Variants in DAB1 observed in about 807,000 individuals in gnomAD.
The protein encoded by DAB1 is DAB adaptor protein 1, also known as disabled homolog 1.
Under a neutral mutation model 64.6 loss-of-function variants are expected in DAB1, and 15 were observed. The observed-to-expected ratio is 0.23, with a 90% CI of 0.16 to 0.36. DAB1 has a LOEUF of 0.36. Ranked by LOEUF, DAB1 falls within the 10% of genes least tolerant of loss-of-function variation. DAB1 has a pLI of 1.00. For synonymous variants in DAB1, 235 were observed against 251.9 expected, an observed-to-expected ratio of 0.93 and a Z score of 0.64; for missense variants, 596 against 706.7, an observed-to-expected ratio of 0.84 and a Z score of 1.78.
intron 1 of DAB1, among the ~76,000 whole-genome samples, chr1:57,322,266 G>A (rs555209456): frequency 1.3e-4 from 20 of 152,236 alleles, no homozygotes; most frequent in African/African-American, 4.6e-4. Context: ...AGATTCCAGT[G>A]CCCAGTACAA....
chr1:57,506,063 G>T (rs1216861600), intron 7 of DAB1, among the ~76,000 whole-genome samples: 3 of 152,212 alleles, frequency 2.0e-5, no homozygotes, highest in African/African-American at 7.2e-5. Flanking sequence ...TTGCTGAAGA[G>T]AGGGTTTTCA....
intron 6 of DAB1, among the ~76,000 whole-genome samples, chr1:57,709,706 C>T (rs376830627): frequency 1.8e-4 from 28 of 152,230 alleles, no homozygotes; most frequent in African/African-American, 4.1e-4. Context: ...GTCTGACTTA[C>T]GCACAAGATT....
intron 7 of DAB1, among the ~76,000 whole-genome samples, chr1:57,643,127 C>T (rs540834358): frequency 3.8e-4 from 58 of 152,270 alleles, no homozygotes; most frequent in African/African-American, 1.2e-3. Context: ...ACCTTTTATC[C>T]TCCACATCTC....
chr1:57,735,450 T>G (rs1022147812), intron 6 of DAB1, among the ~76,000 whole-genome samples: 1 of 152,086 alleles, frequency 6.6e-6, no homozygotes, highest in African/African-American at 2.4e-5. Flanking sequence ...AATTATTTAA[T>G]AAGTACTGCC....
intron 2 of DAB1, among the ~76,000 whole-genome samples, chr1:57,187,133 C>T (rs1468225993): frequency 6.6e-6 from 1 of 152,098 alleles, no homozygotes; most frequent in African/African-American, 2.4e-5. Context: ...AAGTACATAC[C>T]TTCTGTGATT....
At chr1:58,382,659 A>G in intron 3 of DAB1, among the ~76,000 whole-genome samples, 1 of 152,190 alleles carries the variant, frequency 6.6e-6, no homozygotes, top group African/African-American at 2.4e-5. Flanking sequence ...CTTTTAAAAC[A>G]CAGTGTAAAC....
intron 4 of DAB1, among the ~76,000 whole-genome samples, chr1:58,286,266 A>G (rs1661679699): frequency 6.6e-6 from 1 of 152,240 alleles, no homozygotes; most frequent in Non-Finnish European, 1.5e-5. Context: ...CAAAGATTTC[A>G]TGATGAAAAC....
chr1:58,295,358 C>G (rs113240244), intron 4 of DAB1, among the ~76,000 whole-genome samples: 31 of 152,266 alleles, frequency 2.0e-4, no homozygotes, highest in East Asian at 1.9e-4. Flanking sequence ...ATTTCAGTCA[C>G]GAGGCCAGCC....
intron 1 of DAB1, among the ~76,000 whole-genome samples, chr1:57,299,645 A>G (rs866861837): frequency 6.9e-6 from 1 of 144,528 alleles, no homozygotes; most frequent in Non-Finnish European, 1.5e-5. Flanking sequence ...TAATTCCATT[A>G]GTGTTTTCAA....
chr1:58,258,240 C>G (rs1660977424), intron 4 of DAB1, among the ~76,000 whole-genome samples: 1 of 152,138 alleles, frequency 6.6e-6, no homozygotes, highest in African/African-American at 2.4e-5. Context: ...CTGCAGACAA[C>G]AGACACGCCG....
chr1:57,337,773 C>T lies in DAB1; in HGVS notation c.-136-46607G>A, dbSNP rs115813847. On this transcript the variant is annotated intron_variant, in intron 1 of 14. Coordinates refer to ENST00000371236, the MANE Select transcript of DAB1 (RefSeq NM_001365792.1). ...TCCTCCCACTGCTGGGGCTTCCCTG[C>T]TCATCGGCAACAGGCCAGTGGCACC... 8.4e-3 allele frequency among the ~76,000 whole-genome samples: 1,277 copies of T among 152,206 alleles called. 25 individuals carry two copies. Among genetic ancestry groups the T allele is most frequent in the African/African-American group, 0.029 (1,214 of 41,544 alleles).
intron 5 of DAB1, among the ~76,000 whole-genome samples, chr1:58,019,892 C>T (rs1646792397): frequency 1.3e-5 from 2 of 152,118 alleles, no homozygotes; most frequent in South Asian, 4.2e-4. Context: ...AATTCTATTA[C>T]CTTAAGTCAC....
At chr1:58,208,396 G>C (rs992841919) in intron 4 of DAB1, among the ~76,000 whole-genome samples, 1 of 152,126 alleles carries the variant, frequency 6.6e-6, no homozygotes, top group Non-Finnish European at 1.5e-5. Context: ...CCCATCACCT[G>C]AGCAGTGTAC....
intron 7 of DAB1, among the ~76,000 whole-genome samples, chr1:57,640,851 T>A (rs2101641385): frequency 6.6e-6 from 1 of 152,302 alleles, no homozygotes; most frequent in Admixed American, 6.5e-5. Context: ...AAGTAAAGAA[T>A]CTAGGGGCAT....
At chr1:57,794,885 C>T (rs959090487) in intron 6 of DAB1, among the ~76,000 whole-genome samples, 10 of 152,192 alleles carry the variant, frequency 6.6e-5, no homozygotes, top group East Asian at 1.9e-4. Context: ...ATCTGACTTA[C>T]GGCAAGAGTG....
At chr1:57,448,059 G>A (rs116433791) in intron 7 of DAB1, among the ~76,000 whole-genome samples, 1,588 of 152,266 alleles carry the variant, frequency 0.01, 26 homozygotes, top group African/African-American at 0.036. Flanking sequence ...GATCCCCACT[G>A]TATTTACGAT....
chr1:57,463,903 C>T (rs1686871320), intron 7 of DAB1, among the ~76,000 whole-genome samples: 1 of 152,096 alleles, frequency 6.6e-6, no homozygotes, highest in Non-Finnish European at 1.5e-5. Context: ...GTACACAAAC[C>T]TATCAACAAC....
intron 2 of DAB1, among the ~76,000 whole-genome samples, chr1:58,509,600 G>GA (rs36019471): frequency 0.17 from 16,870 of 96,504 alleles, 1,506 homozygotes; most frequent in East Asian, 0.46. Flanking sequence ...TACCAAAAAA[G>GA]AAAAAAAAAA....
intron 6 of DAB1, among the ~76,000 whole-genome samples, chr1:57,695,487 G>A (rs1646833826): frequency 6.6e-6 from 1 of 152,216 alleles, no homozygotes; most frequent in African/African-American, 2.4e-5. Context: ...TGGTATGACT[G>A]TAGAGTATGG....
Sources: gnomAD v4.1 joint callset for allele counts (sites outside exome capture counted in the v4.1 genomes callset) on GRCh38, gnomAD v4.1.1 for gene constraint, MANE v1.5 for transcripts, NCBI Gene and HGNC (gene_info 2026-07-23, HGNC 2026-07-21) for gene names.